AGBL4: variants seen among roughly 807,000 people sequenced by gnomAD.
AGBL4 encodes AGBL carboxypeptidase 4.
A neutral mutation model predicts 66.4 loss-of-function variants in AGBL4; 58 were observed. The ratio of observed to expected loss-of-function variants is 0.87; its 90% CI spans 0.71 to 1.09. The LOEUF (loss-of-function observed/expected upper bound fraction) is 1.09. Ranked by LOEUF, AGBL4 falls within the 50% of genes least tolerant of loss-of-function variation. The pLI is 0.00. For missense variants in AGBL4, 579 were observed against 631.0 expected (o/e 0.92, Z 0.88); for synonymous variants, 234 against 222.9 (o/e 1.05, Z -0.44).
intron 1 of AGBL4, among the ~76,000 whole-genome samples, chr1:49,905,735 G>A (rs1448175820): frequency 6.6e-6 from 1 of 151,984 alleles, no homozygotes; most frequent in Non-Finnish European, 1.5e-5. Flanking sequence ...GATAGATTTT[G>A]GGTTAGGGAA....
intron 1 of AGBL4, among the ~76,000 whole-genome samples, chr1:50,011,942 G>A (rs1385658131): frequency 3.9e-5 from 6 of 152,240 alleles, no homozygotes; most frequent in Non-Finnish European, 8.8e-5. Flanking sequence ...GGTGGATCAT[G>A]AGGTCAGGAG....
intron 1 of AGBL4, among the ~76,000 whole-genome samples, chr1:49,907,306 G>A (rs565008174): frequency 6.6e-6 from 1 of 152,136 alleles, no homozygotes; most frequent in South Asian, 2.1e-4. Flanking sequence ...ATCCAAGAAT[G>A]TAAAATTTGA....
At chr1:49,627,445 C>A (rs1350296347) in intron 3 of AGBL4, among the ~76,000 whole-genome samples, 1 of 152,086 alleles carries the variant, frequency 6.6e-6, no homozygotes, top group African/African-American at 2.4e-5. Flanking sequence ...CAATCACATG[C>A]ACCTTTACCC....
chr1:49,102,106 G>A (rs1038142269), intron 4 of AGBL4, among the ~76,000 whole-genome samples: 7 of 152,028 alleles, frequency 4.6e-5, no homozygotes, highest in Admixed American at 6.6e-5. Context: ...ACCCTTAGAC[G>A]GCCAAACACA....
At chr1:49,456,587 T>C (rs1646394966) in intron 3 of AGBL4, among the ~76,000 whole-genome samples, 1 of 151,724 alleles carries the variant, frequency 6.6e-6, no homozygotes, top group South Asian at 2.1e-4. Flanking sequence ...ATTTATTTTT[T>C]ATTTCAACAG....
intron 3 of AGBL4, among the ~76,000 whole-genome samples, chr1:49,321,986 T>G (rs2148477362): frequency 6.6e-6 from 1 of 152,336 alleles, no homozygotes; most frequent in African/African-American, 2.4e-5. Flanking sequence ...TGGTGAAAAC[T>G]TATTCAGCCT....
At chr1:49,535,736 G>T (rs763539670) in intron 3 of AGBL4, among the ~76,000 whole-genome samples, 7 of 152,124 alleles carry the variant, frequency 4.6e-5, no homozygotes, top group African/African-American at 7.2e-5. Flanking sequence ...CTGTCCTCCA[G>T]GCTGGAGTGC....
intron 3 of AGBL4, among the ~76,000 whole-genome samples, chr1:49,568,622 T>G (rs938511548): frequency 4.0e-5 from 6 of 151,676 alleles, no homozygotes; most frequent in African/African-American, 1.5e-4. Flanking sequence ...AAACTACCAA[T>G]GATGTTCTTC....
At chr1:49,006,419 T>C (rs909809200) in intron 5 of AGBL4, among the ~76,000 whole-genome samples, 5 of 151,738 alleles carry the variant, frequency 3.3e-5, no homozygotes, top group Non-Finnish European at 5.9e-5. Flanking sequence ...CAGTCTGAGA[T>C]CAAACTGCAA....
At chr1:48,942,317 G>T (rs375198256) in intron 5 of AGBL4, among the ~76,000 whole-genome samples, 41 of 151,882 alleles carry the variant, frequency 2.7e-4, no homozygotes, top group Admixed American at 2.4e-3. Context: ...TGGTGGGGGG[G>T]GGGGGTTGTG....
chr1:49,218,578 A>T (rs963303274), intron 4 of AGBL4, among the ~76,000 whole-genome samples: 8 of 152,104 alleles, frequency 5.3e-5, no homozygotes, highest in Non-Finnish European at 8.8e-5. Context: ...TTGCTAGTTA[A>T]GTAGTCTTTA....
At chr1:49,278,220 T>G (rs1410785591) in intron 3 of AGBL4, among the ~76,000 whole-genome samples, 1 of 151,978 alleles carries the variant, frequency 6.6e-6, no homozygotes, top group Non-Finnish European at 1.5e-5. Context: ...ATTTTGAAAA[T>G]TATTCTCTAA....
At chr1:49,429,319 G>A (rs574483904) in intron 3 of AGBL4, among the ~76,000 whole-genome samples, 6 of 152,288 alleles carry the variant, frequency 3.9e-5, no homozygotes, top group East Asian at 1.9e-4. Context: ...CTGAGAACAC[G>A]CTTAGTGAAT....
intron 2 of AGBL4, among the ~76,000 whole-genome samples, chr1:49,797,873 C>T (rs1434355735): frequency 6.6e-6 from 1 of 152,052 alleles, no homozygotes; most frequent in Non-Finnish European, 1.5e-5. Context: ...AAGCGATTCT[C>T]TTGTCTCAGC....
intron 4 of AGBL4, among the ~76,000 whole-genome samples, chr1:49,076,394 T>G (rs1644710850): frequency 6.6e-6 from 1 of 152,220 alleles, no homozygotes; most frequent in Non-Finnish European, 1.5e-5. Context: ...GTACTTATTG[T>G]TGTATTGTTG....
chr1:49,776,349 C>A (rs969446236), intron 2 of AGBL4, among the ~76,000 whole-genome samples: 3 of 152,074 alleles, frequency 2.0e-5, no homozygotes, highest in African/African-American at 7.2e-5. Flanking sequence ...CTAGCAGTAG[C>A]CAGAAATAAC....
chr1:49,697,457 G>T lies in AGBL4; in HGVS notation c.158-20C>A. 2 of 1,489,242 alleles carry T rather than the reference G, an allele frequency of 1.3e-6. No homozygotes were observed. The highest frequency in any genetic ancestry group is 1.8e-6 in the Non-Finnish European group (2 of 1,101,014). 92.3% of individuals were successfully genotyped at this position (1,489,242 alleles called of 1,614,324 possible). A position where few individuals can be genotyped will look rare whatever the true frequency, so the allele number is the denominator to read the frequency against. On this transcript the variant is annotated intron_variant, in intron 2 of 13. Transcript: ENST00000371839. ...GGTTACCTGGTAATAAAAATTAAGA[G>T]AATTGGATTTTAATAGAAGTTCATG... is the stretch of plus-strand genomic sequence containing the variant.
chr1:49,759,100 T>C (rs540492447), intron 2 of AGBL4, among the ~76,000 whole-genome samples: 2 of 152,306 alleles, frequency 1.3e-5, no homozygotes, highest in South Asian at 4.1e-4. Flanking sequence ...CCTGCCTCCA[T>C]GTAAGACATG....
chr1:48,836,704 G>A (rs1427232510), intron 6 of AGBL4, among the ~76,000 whole-genome samples: 1 of 152,040 alleles, frequency 6.6e-6, no homozygotes, highest in African/African-American at 2.4e-5. Context: ...TCTTAACTTC[G>A]TTTGGTGTCT....
Sources: gnomAD v4.1 joint callset for allele counts (sites outside exome capture counted in the v4.1 genomes callset) on GRCh38, gnomAD v4.1.1 for gene constraint, MANE v1.5 for transcripts, NCBI Gene and HGNC (gene_info 2026-07-23, HGNC 2026-07-21) for gene names.